Variants in TSC22D1 observed in about 807,000 individuals in gnomAD.
TSC22D1 encodes the protein TSC22 domain family member 1.
A neutral mutation model predicts 74.2 loss-of-function variants in TSC22D1; 9 were observed. That is an observed-to-expected ratio of 0.12 (90% CI 0.07 to 0.21). The LOEUF (loss-of-function observed/expected upper bound fraction) is 0.21. Ranked by LOEUF, TSC22D1 falls within the 10% of genes least tolerant of loss-of-function variation. The probability of loss-of-function intolerance (pLI) is 1.00; values close to 1 mark genes in which losing one functional copy is unlikely to be tolerated. For missense variants in TSC22D1, 1,427 were observed against 1,304.7 expected, an observed-to-expected ratio of 1.09 and a Z score of -1.44; for synonymous variants, 586 against 492.5, an observed-to-expected ratio of 1.19 and a Z score of -2.51.
chr13:44,507,384 A>G (rs929006923), intron 1 of TSC22D1, among the ~76,000 whole-genome samples: 1 of 152,158 alleles, frequency 6.6e-6, no homozygotes, highest in African/African-American at 2.4e-5. Context: ...GCGTCAGAGT[A>G]ATACATTATA....
chr13:44,574,066 C>T lies in TSC22D1; in HGVS notation c.2009G>A (p.Gly670Glu). Residue 670 changes from glycine (G) to glutamate (E), a missense_variant, in exon 1 of 3, where the codon GGA (glycine) becomes GAA (glutamate). Transcript: ENST00000458659. ...TCCTACTCCTGCAGAACTGGGCTGT[C>T]CGGAGGACATTGCTGTTTGAAGAAT... ...QPILQTAMSSGQPSSAGVGAG... is the reference protein window; with the variant it reads ...QPILQTAMSSEQPSSAGVGAG... 1 of 1,614,206 alleles carries T rather than the reference C, an allele frequency of 6.2e-7. No individual in the cohort carries two copies.
At chr13:44,552,912 C>T (rs1157202173) in intron 1 of TSC22D1, among the ~76,000 whole-genome samples, 1 of 152,118 alleles carries the variant, frequency 6.6e-6, no homozygotes, top group Non-Finnish European at 1.5e-5. Flanking sequence ...GGCGTGAACC[C>T]GGAAGGCGAA....
chr13:44,451,894 C>T (rs1261285339), intron 1 of TSC22D1, among the ~76,000 whole-genome samples: 1 of 152,190 alleles, frequency 6.6e-6, no homozygotes, highest in East Asian at 1.9e-4. Flanking sequence ...CCATGGCTGA[C>T]CGAGGAGAGG....
chr13:44,470,442 A>G (rs1191959248), intron 1 of TSC22D1, among the ~76,000 whole-genome samples: 2 of 152,238 alleles, frequency 1.3e-5, no homozygotes, highest in African/African-American at 4.8e-5. Context: ...CACATCCTTT[A>G]TAATTATTAT....
At chr13:44,538,983 AGGT>A (rs1269841210) in intron 1 of TSC22D1, 1 of 985,300 alleles carries the variant, frequency 1.0e-6, no homozygotes, top group East Asian at 1.1e-4. Context: ...AACTTGCCAA[AGGT>A]AACAAGTTCA....
chr13:44,442,135 T>A (rs139702308), intron 1 of TSC22D1, among the ~76,000 whole-genome samples: 3 of 152,358 alleles, frequency 2.0e-5, no homozygotes, highest in Non-Finnish European at 4.4e-5. Flanking sequence ...AAGAGTGTTT[T>A]GGTCCTACAT....
intron 1 of TSC22D1, among the ~76,000 whole-genome samples, chr13:44,565,519 A>C (rs1010036370): frequency 6.6e-6 from 1 of 152,118 alleles, no homozygotes; most frequent in Non-Finnish European, 1.5e-5. Context: ...AAGTTGTTAT[A>C]ATTTTTTAAA....
chr13:44,510,316 T>G (rs896239763), intron 1 of TSC22D1, among the ~76,000 whole-genome samples: 2 of 151,558 alleles, frequency 1.3e-5, no homozygotes, highest in Non-Finnish European at 2.9e-5. Flanking sequence ...CACTTGAACC[T>G]GCGAGGCGGG....
chr13:44,536,801 ACTAATCAGGAAAGATGATG>A (rs2138079527), intron 1 of TSC22D1: 3 of 984,968 alleles, frequency 3.0e-6, no homozygotes, highest in Non-Finnish European at 3.6e-6. Flanking sequence ...AATTCTGGAA[ACTAATCAGGAAAGATGATG>A]CTAATCAGGA....
chr13:44,461,154 A>G (rs1876974821), intron 1 of TSC22D1, among the ~76,000 whole-genome samples: 1 of 152,236 alleles, frequency 6.6e-6, no homozygotes, highest in Non-Finnish European at 1.5e-5. Context: ...CTTGCTTAAT[A>G]TTCAACTCAC....
chr13:44,505,559 A>G (rs940798037), intron 1 of TSC22D1, among the ~76,000 whole-genome samples: 15 of 152,184 alleles, frequency 9.9e-5, no homozygotes, highest in Non-Finnish European at 1.2e-4. Flanking sequence ...CTCAAAAAAT[A>G]AAATACATAC....
intron 1 of TSC22D1, among the ~76,000 whole-genome samples, chr13:44,441,810 G>C (rs778532620): frequency 1.6e-4 from 24 of 152,048 alleles, no homozygotes; most frequent in Non-Finnish European, 2.8e-4. Flanking sequence ...ATAAAAGAAA[G>C]GTTTATAGGG....
chr13:44,481,195 T>A (rs1595108025), intron 1 of TSC22D1, among the ~76,000 whole-genome samples: 1 of 152,138 alleles, frequency 6.6e-6, no homozygotes, highest in East Asian at 1.9e-4. Context: ...AGAGATCAAA[T>A]GAGACAAGAA....
intron 1 of TSC22D1, among the ~76,000 whole-genome samples, chr13:44,449,700 C>T (rs200329792): frequency 6.6e-6 from 1 of 152,006 alleles, no homozygotes; most frequent in East Asian, 1.9e-4. Context: ...TAATAAAGTG[C>T]TGAGTGGGGC....
rs762219265 is a variant in TSC22D1, at chr13:44,575,855, T to C, written c.220A>G (p.Thr74Ala). The C allele has an allele frequency of 3.6e-5, 58 of 1,613,760 alleles. No homozygotes were observed. The highest frequency in any genetic ancestry group is 3.1e-5 in the Non-Finnish European group (36 of 1,179,958). ...LQPPPPAASS[T>A]SGPQPPPPQS... is the part of the protein sequence containing the mutation. ...GGAGGCGGAGGCTGTGGTCCCGACGTAGAAGATGCTGCAGGGGGCGGCGGC... is the reference window on the plus strand; with the variant it reads ...GGAGGCGGAGGCTGTGGTCCCGACGCAGAAGATGCTGCAGGGGGCGGCGGC... The change falls in exon 1 of 3, where the codon ACG becomes GCG. Residue 74 changes from threonine (T) to alanine (A), a missense_variant. Around this residue, in one of 3 missense-constraint regions of TSC22D1, gnomAD observed 1,343 missense variants for 1,191.5 expected, o/e 1.13. Transcript: ENST00000458659.
chr13:44,570,990 TA>T (rs1428947572), intron 1 of TSC22D1, among the ~76,000 whole-genome samples: 2 of 152,234 alleles, frequency 1.3e-5, no homozygotes, highest in African/African-American at 4.8e-5. Context: ...TTTCTGATCT[TA>T]CAAGGTGTTT....
At chr13:44,435,210 C>G (rs921846546) in intron 2 of TSC22D1, 1 of 220,834 alleles carries the variant, frequency 4.5e-6, no homozygotes, top group African/African-American at 2.3e-5. Flanking sequence ...AGCCACAGCG[C>G]GCCCACCGCG....
intron 1 of TSC22D1, among the ~76,000 whole-genome samples, chr13:44,495,939 G>C (rs1878953000): frequency 6.6e-6 from 1 of 152,108 alleles, no homozygotes; most frequent in South Asian, 2.1e-4. Context: ...CTTGACAATA[G>C]ACAGATATAA....
At chr13:44,469,687 A>G (rs1182628241) in intron 1 of TSC22D1, among the ~76,000 whole-genome samples, 1 of 152,202 alleles carries the variant, frequency 6.6e-6, no homozygotes. Context: ...GAAAACACAT[A>G]GTACCATGCC....
Sources: allele counts gnomAD v4.1 joint callset (sites outside exome capture counted in the v4.1 genomes callset), GRCh38; gene constraint gnomAD v4.1.1; regional missense constraint gnomAD v4.1.1; transcripts MANE v1.5; gene names NCBI Gene and HGNC (gene_info 2026-07-23, HGNC 2026-07-21).